The following NTRK3 variants were observed in gnomAD, a reference collection of about 807,000 sequenced individuals.
NTRK3 encodes neurotrophic receptor tyrosine kinase 3.
NTRK3 carries 24 observed loss-of-function variants against 91.7 expected under a neutral mutation model. The ratio of observed to expected loss-of-function variants is 0.26; its 90% confidence interval spans 0.19 to 0.37. The LOEUF is 0.37. NTRK3 is among the 10% of genes least tolerant of loss of function. NTRK3 has a pLI of 1.00. For missense variants in NTRK3, 880 were observed against 1,068.9 expected, an observed-to-expected ratio of 0.82 and a Z score of 2.46; for synonymous variants, 483 against 404.0, an observed-to-expected ratio of 1.20 and a Z score of -2.34.
intron 5 of NTRK3, among the ~76,000 whole-genome samples, chr15:88,150,655 A>G (rs868849404): frequency 7.4e-4 from 113 of 152,280 alleles, no homozygotes; most frequent in Middle Eastern, 3.4e-3. Flanking sequence ...TGGAAACTGT[A>G]TTGCACAAGT....
At chr15:87,873,239 T>G (rs2064869059) in exon 19 of NTRK3, 1 of 231,518 alleles carries the variant, frequency 4.3e-6, no homozygotes, top group Non-Finnish European at 8.5e-6. Context: ...GTGGGAAGCC[T>G]CTGTCTAGGA....
chr15:87,936,541 CT>C (rs11295279), intron 15 of NTRK3, among the ~76,000 whole-genome samples: 45,467 of 139,558 alleles, frequency 0.33, 7,852 homozygotes, highest in African/African-American at 0.51. Flanking sequence ...ATCTTACTTT[CT>C]TTTTTTTTTT....
At chr15:87,919,203 G>A (rs1321482901) in intron 17 of NTRK3, among the ~76,000 whole-genome samples, 2 of 152,188 alleles carry the variant, frequency 1.3e-5, no homozygotes, top group East Asian at 1.9e-4. Context: ...TCCATGTCAG[G>A]AGTCATGGCA....
intron 13 of NTRK3, among the ~76,000 whole-genome samples, chr15:88,088,343 G>A (rs2048698252): frequency 6.6e-6 from 1 of 152,142 alleles, no homozygotes. Flanking sequence ...AATGTCATGA[G>A]GCAATAACTT....
intron 14 of NTRK3, among the ~76,000 whole-genome samples, chr15:87,981,033 GA>G (rs376655442): frequency 1.2e-3 from 182 of 152,254 alleles, no homozygotes; most frequent in African/African-American, 3.8e-3. Flanking sequence ...TAGGCCCTAT[GA>G]AGCTTCCTCC....
exon 19 of NTRK3, chr15:87,876,728 T>C (rs577439928): frequency 2.9e-6 from 1 of 348,666 alleles, no homozygotes; most frequent in Non-Finnish European, 5.4e-6. Flanking sequence ...TATATATATA[T>C]ATATATATAT....
chr15:88,098,383 G>A (rs1360488521), intron 13 of NTRK3: 2 of 180,780 alleles, frequency 1.1e-5, no homozygotes, highest in Non-Finnish European at 2.4e-5. Flanking sequence ...CATGCCATCA[G>A]CTCCCAACAT....
intron 13 of NTRK3, among the ~76,000 whole-genome samples, chr15:88,048,155 C>T (rs889173692): frequency 3.9e-4 from 59 of 152,214 alleles, no homozygotes; most frequent in African/African-American, 1.4e-3. Context: ...CTTCTCCCTG[C>T]CTCCTTCCTC....
chr15:87,960,397 G>C (rs1734556427), intron 14 of NTRK3, among the ~76,000 whole-genome samples: 1 of 151,462 alleles, frequency 6.6e-6, no homozygotes, highest in Non-Finnish European at 1.5e-5. Context: ...TCTACTTTTT[G>C]GATGTGGACC....
At chr15:88,249,425 G>T (rs1226366092) in intron 3 of NTRK3, among the ~76,000 whole-genome samples, 1 of 152,204 alleles carries the variant, frequency 6.6e-6, no homozygotes, top group Non-Finnish European at 1.5e-5. Flanking sequence ...CTTTGACAAA[G>T]TGCCCAGAAC....
rs561060192 is a variant in NTRK3, at chr15:87,953,007, C to A, written c.1586-12254G>T. On this transcript the variant is annotated intron_variant, in intron 14 of 18. Transcript: ENST00000394480. ...AGCCAGCAGATTCGTTCCGCAAGGC[C>A]TCCGCGATCCTGGATCCATGCTTCC... Among the ~76,000 whole-genome samples the A allele has an allele frequency of 4.6e-5, 7 of 152,290 alleles. No homozygotes were observed. The South Asian group carries it at 1.5e-3, about 32-fold the overall frequency.
intron 14 of NTRK3, among the ~76,000 whole-genome samples, chr15:88,006,552 C>A (rs2076503219): frequency 6.6e-6 from 1 of 152,188 alleles, no homozygotes; most frequent in Non-Finnish European, 1.5e-5. Flanking sequence ...AGCAGCCCTC[C>A]ACAGGCACAG....
intron 13 of NTRK3, among the ~76,000 whole-genome samples, chr15:88,094,446 C>T (rs1023460940): frequency 3.4e-4 from 46 of 137,160 alleles, no homozygotes; most frequent in Admixed American, 3.3e-4. Flanking sequence ...TCCGCAGTCC[C>T]GACTGGGCGA....
intron 3 of NTRK3, among the ~76,000 whole-genome samples, chr15:88,187,408 T>A (rs1316729420): frequency 6.6e-6 from 1 of 152,178 alleles, no homozygotes; most frequent in Non-Finnish European, 1.5e-5. Context: ...ACTCACCACT[T>A]GGTACCCAAC....
At chr15:88,043,969 G>C (rs948779896) in intron 13 of NTRK3, among the ~76,000 whole-genome samples, 1 of 152,096 alleles carries the variant, frequency 6.6e-6, no homozygotes, top group Non-Finnish European at 1.5e-5. Context: ...AGTACACATG[G>C]AGTCATACCA....
exon 19 of NTRK3, chr15:87,873,843 G>C (rs551443569): frequency 4.3e-6 from 1 of 231,704 alleles, no homozygotes; most frequent in South Asian, 1.8e-4. Context: ...GAGACAAGGG[G>C]CAAAGAAGGA....
At chr15:88,170,235 G>A (rs543399694) in intron 5 of NTRK3, among the ~76,000 whole-genome samples, 1 of 152,302 alleles carries the variant, frequency 6.6e-6, no homozygotes, top group African/African-American at 2.4e-5. Context: ...CCAGCTTCAA[G>A]GGCAGGGGGA....
At chr15:88,132,532 G>A (rs1293633975) in intron 10 of NTRK3, among the ~76,000 whole-genome samples, 1 of 152,204 alleles carries the variant, frequency 6.6e-6, no homozygotes, top group Non-Finnish European at 1.5e-5. Flanking sequence ...ACCTAAGTCT[G>A]TCTGATTTCA....
intron 3 of NTRK3, among the ~76,000 whole-genome samples, chr15:88,187,866 C>T (rs142400433): frequency 1.0e-4 from 15 of 145,910 alleles, no homozygotes; most frequent in South Asian, 4.4e-4. Context: ...TCTGGGAGGC[C>T]GAGGCTGCAG....
Sources: gnomAD v4.1 joint callset for allele counts (sites outside exome capture counted in the v4.1 genomes callset) on GRCh38, gnomAD v4.1.1 for gene constraint, MANE v1.5 for transcripts, NCBI Gene and HGNC (gene_info 2026-07-23, HGNC 2026-07-21) for gene names.